RPS6KA6: variants seen among roughly 807,000 people sequenced by gnomAD.
RPS6KA6 encodes ribosomal protein S6 kinase alpha-6.
In RPS6KA6, 27 loss-of-function variants were observed where a neutral mutation model predicts 65.4. The observed-to-expected ratio is 0.41, with a 90% CI of 0.30 to 0.57. RPS6KA6 has a LOEUF of 0.57. Among genes scored for constraint, RPS6KA6 ranks in the 20% least tolerant of loss-of-function variants. The pLI is 0.24. For synonymous variants in RPS6KA6, 190 were observed against 184.2 expected (o/e 1.03, Z -0.26); for missense variants, 486 against 555.6 (o/e 0.87, Z 1.26).
At chrX:84,119,422 T>C (rs1247287249) in intron 9 of RPS6KA6, among the ~76,000 whole-genome samples, 3 of 111,912 alleles carry the variant, frequency 2.7e-5, no homozygotes, top group African/African-American at 9.7e-5. Context: ...ACTGAAATGC[T>C]CACTATGCTT....
At position 84,183,424 on chromosome X, in the gene RPS6KA6, C is replaced by T. The variant is rs188083223; in HGVS notation, c.81+4395G>A. Among the ~76,000 whole-genome samples the T allele has an allele frequency of 9.9e-5, 11 of 111,377 alleles. No homozygotes were observed. In the East Asian group the frequency reaches 2.8e-3, roughly 29 times the overall value. ...AGCTGGAATTCCCCACCTTCCATAT[C>T]TCCCCCATTCCTCACTACCGTCAAT... On this transcript the variant is annotated intron_variant, in intron 1 of 21. Transcript: ENST00000262752.
chrX:84,184,029 A>G (rs925506598), intron 1 of RPS6KA6, among the ~76,000 whole-genome samples: 2 of 112,321 alleles, frequency 1.8e-5, no homozygotes, highest in Non-Finnish European at 3.8e-5. Context: ...TACCATGACA[A>G]GAGTTCAGAA....
rs191484825 is a variant in RPS6KA6, at chrX:84,074,610, A to C, written c.1972-9499T>G. On this transcript the variant is annotated intron_variant, in intron 20 of 21. Coordinates refer to ENST00000262752, the MANE Select transcript of RPS6KA6 (RefSeq NM_014496.5). ...CATCATACAATATACACATGTATTGAAACATCACACTATACCTCATAAATA... is the reference window on the plus strand; with the variant it reads ...CATCATACAATATACACATGTATTGCAACATCACACTATACCTCATAAATA... 1.1e-3 allele frequency among the ~76,000 whole-genome samples: 122 copies of C among 112,259 alleles called. 1 individual carries two copies. Among genetic ancestry groups the C allele is most frequent in the African/African-American group, 3.9e-3 (120 of 30,918 alleles).
At chrX:84,104,157 A>C (rs1463041649) in intron 17 of RPS6KA6, among the ~76,000 whole-genome samples, 1 of 110,976 alleles carries the variant, frequency 9.0e-6, no homozygotes. Flanking sequence ...TCTGAACTTT[A>C]TATGTTAGGT....
chrX:84,149,030 A>C, intron 3 of RPS6KA6, among the ~76,000 whole-genome samples: 1 of 112,068 alleles, frequency 8.9e-6, no homozygotes, highest in Admixed American at 9.5e-5. Flanking sequence ...AAGTCTACGT[A>C]ATATTCTAAA....
chrX:84,117,859 G>C (rs1602424367), intron 9 of RPS6KA6, among the ~76,000 whole-genome samples: 1 of 110,943 alleles, frequency 9.0e-6, no homozygotes, highest in Non-Finnish European at 1.9e-5. Context: ...ACATGCCCAA[G>C]AAAGATTTAA....
chrX:84,110,759 G>A lies in RPS6KA6; in HGVS notation c.1009-3034C>T, dbSNP rs182949935. 5.2e-3 allele frequency among the ~76,000 whole-genome samples: 577 copies of A among 110,921 alleles called. 3 individuals are homozygous for A. Among genetic ancestry groups the A allele is most frequent in the Middle Eastern group, 0.024 (5 of 211 alleles). Reference sequence around the variant, plus strand: ...ATGTGACAGCTTCTACAGATAAGAAGGAACCAACATAAGAACTTCAGGACT... The same window carrying A: ...ATGTGACAGCTTCTACAGATAAGAAAGAACCAACATAAGAACTTCAGGACT... On this transcript the variant is annotated intron_variant, in intron 12 of 21. Coordinates refer to ENST00000262752, the MANE Select transcript of RPS6KA6 (RefSeq NM_014496.5).
intron 20 of RPS6KA6, among the ~76,000 whole-genome samples, chrX:84,085,433 G>T (rs1169187354): frequency 9.2e-6 from 1 of 109,135 alleles, no homozygotes; most frequent in Non-Finnish European, 1.9e-5. Context: ...GCATTATTGA[G>T]ATAATTGTGG....
chrX:84,083,706 G>T (rs2033855278), intron 20 of RPS6KA6, among the ~76,000 whole-genome samples: 1 of 112,074 alleles, frequency 8.9e-6, no homozygotes, highest in Non-Finnish European at 1.9e-5. Context: ...CTTTATAAGA[G>T]AATTATTTAC....
chrX:84,168,329 T>C lies in RPS6KA6; in HGVS notation c.82-3942A>G, dbSNP rs138797502. On this transcript the variant is annotated intron_variant, in intron 1 of 21. Transcript: ENST00000262752. ...ACTAACTCTGAGTTCCTGATCCATA[T>C]ATCCAACTGCATACTTGACATTTCC... 2.6e-3 allele frequency among the ~76,000 whole-genome samples: 291 copies of C among 111,873 alleles called. 2 individuals are homozygous for C. Among genetic ancestry groups the C allele is most frequent in the Admixed American group, 0.024 (248 of 10,477 alleles).
chrX:84,115,863 C>T (rs770007490), intron 12 of RPS6KA6, among the ~76,000 whole-genome samples: 3 of 111,414 alleles, frequency 2.7e-5, no homozygotes, highest in African/African-American at 9.8e-5. Context: ...AATCAAATAT[C>T]CCATGTTCTC....
intron 20 of RPS6KA6, among the ~76,000 whole-genome samples, chrX:84,076,990 T>C (rs2033675041): frequency 9.0e-6 from 1 of 110,936 alleles, no homozygotes; most frequent in Non-Finnish European, 1.9e-5. Context: ...AAAATAAAAT[T>C]TTAATGCCAT....
intron 6 of RPS6KA6, among the ~76,000 whole-genome samples, chrX:84,145,244 C>T (rs1924647682): frequency 9.0e-6 from 1 of 110,981 alleles, no homozygotes; most frequent in Non-Finnish European, 1.9e-5. Flanking sequence ...CCTAGGCTTG[C>T]CCGTATCTAC....
At chrX:84,097,642 T>A (rs2034182211) in intron 19 of RPS6KA6, 130 bp downstream of exon 19, 1 of 395,604 alleles carries the variant, frequency 2.5e-6, no homozygotes, top group East Asian at 4.2e-5. Context: ...TGTGTAACAA[T>A]CAATATTAAT....
At chrX:84,148,225 C>T in intron 3 of RPS6KA6, 102 bp from the exon 4 acceptor site, 1 of 461,812 alleles carries the variant, frequency 2.2e-6, no homozygotes, top group Non-Finnish European at 3.6e-6. Flanking sequence ...TGCATTTTCT[C>T]TAATTTTATA....
intron 3 of RPS6KA6, among the ~76,000 whole-genome samples, chrX:84,150,045 T>C (rs993650180): frequency 1.1e-4 from 12 of 106,847 alleles, no homozygotes; most frequent in Non-Finnish European, 9.8e-5. Flanking sequence ...ATCTGTAGCA[T>C]TACCTTACAC....
intron 3 of RPS6KA6, among the ~76,000 whole-genome samples, chrX:84,154,287 T>C (rs1248732344): frequency 9.0e-6 from 1 of 111,471 alleles, no homozygotes; most frequent in Admixed American, 9.6e-5. Flanking sequence ...GTTTCCATCA[T>C]CTTCACTACT....
At chrX:84,158,880 T>C (rs771848782) in intron 2 of RPS6KA6, among the ~76,000 whole-genome samples, 19 of 111,524 alleles carry the variant, frequency 1.7e-4, no homozygotes, top group Middle Eastern at 9.2e-3. Flanking sequence ...CCCTCAGAGA[T>C]TGTGGTTCAG....
chrX:84,095,991 T>C (rs188874750), intron 20 of RPS6KA6, among the ~76,000 whole-genome samples: 102 of 111,834 alleles, frequency 9.1e-4, no homozygotes, highest in Non-Finnish European at 1.6e-3. Flanking sequence ...CATATGTAAA[T>C]TGATCAGAAA....
Sources: gnomAD v4.1 joint callset for allele counts (sites outside exome capture counted in the v4.1 genomes callset) on GRCh38, gnomAD v4.1.1 for gene constraint, MANE v1.5 for transcripts, NCBI Gene and HGNC (gene_info 2026-07-23, HGNC 2026-07-21) for gene names.